PTGER3: variants seen among roughly 807,000 people sequenced by gnomAD.
PTGER3 encodes the protein prostaglandin E2 receptor EP3 subtype.
In PTGER3, 22 loss-of-function variants were observed where a neutral mutation model predicts 34.7. The observed-to-expected ratio is 0.63, with a 90% confidence interval of 0.45 to 0.91. The LOEUF is 0.91. Ranked by LOEUF, PTGER3 falls within the 40% of genes least tolerant of loss-of-function variation. The pLI, the probability that PTGER3 is intolerant of heterozygous loss-of-function variation, is 0.00. For synonymous variants in PTGER3, 241 were observed against 230.1 expected, an observed-to-expected ratio of 1.05 and a Z score of -0.43; for missense variants, 468 against 519.4, an observed-to-expected ratio of 0.90 and a Z score of 0.96.
At chr1:70,919,523 A>G (rs555009888) in intron 4 of PTGER3, among the ~76,000 whole-genome samples, 1 of 152,292 alleles carries the variant, frequency 6.6e-6, no homozygotes, top group East Asian at 1.9e-4. Context: ...TTAATCACCA[A>G]TCTAATACAT....
At chr1:71,019,914 C>T (rs1261693290) in intron 1 of PTGER3, among the ~76,000 whole-genome samples, 1 of 152,164 alleles carries the variant, frequency 6.6e-6, no homozygotes, top group Non-Finnish European at 1.5e-5. Context: ...AGAGAAGTTT[C>T]CTCACAAGCC....
exon 5 of PTGER3, chr1:70,852,811 T>G: frequency 6.2e-7 from 1 of 1,612,488 alleles, no homozygotes; most frequent in Non-Finnish European, 8.5e-7. Flanking sequence ...GAGCTTCCAG[T>G]GATGTGATCC....
intron 2 of PTGER3, among the ~76,000 whole-genome samples, chr1:70,988,032 A>G (rs1655086377): frequency 6.6e-6 from 1 of 152,162 alleles, no homozygotes; most frequent in Non-Finnish European, 1.5e-5. Context: ...CATTTCTCTC[A>G]GTGACAGGAG....
At chr1:70,871,619 A>G (rs1185137153) in intron 4 of PTGER3, among the ~76,000 whole-genome samples, 1 of 152,082 alleles carries the variant, frequency 6.6e-6, no homozygotes, top group East Asian at 1.9e-4. Context: ...ACTGAAACCA[A>G]TGATTAGTCC....
intron 1 of PTGER3, among the ~76,000 whole-genome samples, chr1:71,031,245 AACACACACACACACACAC>A (rs56278148): frequency 2.0e-5 from 3 of 149,388 alleles, no homozygotes; most frequent in South Asian, 2.1e-4. Flanking sequence ...GTGGCAGGAA[AACACACACACACACACAC>A]ACACACACAC....
At chr1:70,924,046 G>C (rs901212086) in intron 4 of PTGER3, among the ~76,000 whole-genome samples, 1 of 152,024 alleles carries the variant, frequency 6.6e-6, no homozygotes, top group Non-Finnish European at 1.5e-5. Context: ...CTGACCTGTG[G>C]TAAGTAAAGA....
Position 71,046,688 on chromosome 1 carries a change from G to A in PTGER3, c.890C>T (p.Pro297Leu). ...AACCCTGGAACTACCTACCAGGAGCGGAGACCAGCAGACCGACAGCACGCA... is the reference window on the plus strand; with the variant it reads ...AACCCTGGAACTACCTACCAGGAGCAGAGACCAGCAGACCGACAGCACGCA... Reference protein sequence around the residue: ...IMCVLSVCWSPLLIMMLKMIF... With the variant: ...IMCVLSVCWSLLLIMMLKMIF... The change falls in exon 1 of 4, where the codon CCG (proline) becomes CTG (leucine). Residue 297 changes from proline to leucine, a missense_variant. This residue lies in a region of PTGER3 where 204 missense variants were observed against 230.8 expected (regional missense o/e 0.88). Coordinates refer to ENST00000306666, the MANE Select transcript of PTGER3 (RefSeq NM_198719.2). 5.8e-6 allele frequency: 9 copies of A among 1,559,662 alleles called. No homozygotes were observed. The highest frequency in any genetic ancestry group is 7.8e-6 in the Non-Finnish European group (9 of 1,152,638).
At chr1:70,968,444 T>C (rs185138782), downstream of PTGER3, among the ~76,000 whole-genome samples, 193 of 152,318 alleles carry the variant, frequency 1.3e-3, no homozygotes, top group Non-Finnish European at 2.4e-3. Flanking sequence ...TGAGGGTTAG[T>C]TCTATCTTTA....
At chr1:71,025,648 C>T (rs1181974687) in intron 1 of PTGER3, among the ~76,000 whole-genome samples, 2 of 152,134 alleles carry the variant, frequency 1.3e-5, no homozygotes, top group African/African-American at 4.8e-5. Context: ...AACAAAACAG[C>T]AACTAATGCT....
chr1:70,932,488 T>C (rs1648802777), intron 4 of PTGER3, among the ~76,000 whole-genome samples: 1 of 152,196 alleles, frequency 6.6e-6, no homozygotes, highest in Non-Finnish European at 1.5e-5. Flanking sequence ...AGAGGCTTAA[T>C]TGGATTTACA....
chr1:71,005,789 AC>A, intron 2 of PTGER3: 1 of 882,000 alleles, frequency 1.1e-6, no homozygotes. Flanking sequence ...GGAATGTCTC[AC>A]CCCATGGCCT....
At chr1:71,024,120 A>G (rs534126502) in intron 1 of PTGER3, among the ~76,000 whole-genome samples, 53 of 152,294 alleles carry the variant, frequency 3.5e-4, no homozygotes, top group Non-Finnish European at 6.8e-4. Context: ...CTCTAGCCTA[A>G]GTTCTCACCA....
intron 1 of PTGER3, among the ~76,000 whole-genome samples, chr1:71,026,741 G>A (rs1352889534): frequency 1.3e-5 from 2 of 152,068 alleles, no homozygotes; most frequent in Non-Finnish European, 1.5e-5. Flanking sequence ...TCAAAAATAT[G>A]TTACTATTAT....
intron 2 of PTGER3, chr1:71,006,997 C>T (rs1657026329): frequency 5.1e-6 from 5 of 985,524 alleles, no homozygotes; most frequent in Non-Finnish European, 6.0e-6. Context: ...TTTTTTGTCT[C>T]CACAGTATTG....
intron 1 of PTGER3, among the ~76,000 whole-genome samples, chr1:71,036,382 G>A (rs66539808): frequency 0.29 from 43,819 of 152,006 alleles, 6,758 homozygotes; most frequent in East Asian, 0.44. Context: ...ACTGGGTATG[G>A]TGGTGCACAA....
At chr1:70,927,230 T>G (rs932583959) in intron 4 of PTGER3, among the ~76,000 whole-genome samples, 1 of 152,092 alleles carries the variant, frequency 6.6e-6, no homozygotes, top group Admixed American at 6.6e-5. Flanking sequence ...CTTTTTCTAT[T>G]GATTGGAATA....
At chr1:70,979,712 C>G (rs899883412) in intron 2 of PTGER3, among the ~76,000 whole-genome samples, 1 of 152,118 alleles carries the variant, frequency 6.6e-6, no homozygotes, top group Admixed American at 6.6e-5. Context: ...TTCCATTGAG[C>G]GTTCTCACAC....
At chr1:70,949,287 T>C (rs1168116853), downstream of PTGER3, among the ~76,000 whole-genome samples, 1 of 152,192 alleles carries the variant, frequency 6.6e-6, no homozygotes, top group Non-Finnish European at 1.5e-5. Flanking sequence ...CTAAATTGCT[T>C]TCTGATGTTG....
intron 4 of PTGER3, among the ~76,000 whole-genome samples, chr1:70,877,344 A>G (rs1190482882): frequency 6.6e-6 from 1 of 152,162 alleles, no homozygotes; most frequent in Non-Finnish European, 1.5e-5. Context: ...CAGATCTAAG[A>G]GCTCTTGGGA....
Sources: allele counts gnomAD v4.1 joint callset (sites outside exome capture counted in the v4.1 genomes callset), GRCh38; gene constraint gnomAD v4.1.1; regional missense constraint gnomAD v4.1.1; transcripts MANE v1.5; gene names NCBI Gene and HGNC (gene_info 2026-07-23, HGNC 2026-07-21).